Variants in TSGA10 observed in about 807,000 individuals in gnomAD.
TSGA10 encodes testis specific 10.
In TSGA10, 43 loss-of-function variants were observed where a neutral mutation model predicts 96.6. That is an observed-to-expected ratio of 0.44 (90% CI 0.35 to 0.57). The LOEUF (loss-of-function observed/expected upper bound fraction) is 0.57, where lower values mean the gene tolerates loss of function less well. Among genes scored for constraint, TSGA10 ranks in the 20% least tolerant of loss-of-function variants. The pLI, the probability that TSGA10 is intolerant of heterozygous loss-of-function variation, is 0.01. For synonymous variants in TSGA10, 229 were observed against 269.9 expected (o/e 0.85, Z 1.48); for missense variants, 703 against 834.4 (o/e 0.84, Z 1.94).
chr2:99,078,906 CT>C (rs1558944237), intron 11 of TSGA10, 93 bp from the exon 12 acceptor site: 1 of 1,059,804 alleles, frequency 9.4e-7, no homozygotes, highest in Non-Finnish European at 1.3e-6. Context: ...CTTCTCCTTA[CT>C]TCTAATATAT....
chr2:99,116,706 G>T (rs1270193700), intron 4 of TSGA10, among the ~76,000 whole-genome samples: 1 of 151,632 alleles, frequency 6.6e-6, no homozygotes. Flanking sequence ...AAAAAAGATT[G>T]GCAAATTTTC....
chr2:99,098,569 A>C (rs1462061506), intron 10 of TSGA10, among the ~76,000 whole-genome samples: 6 of 150,824 alleles, frequency 4.0e-5, no homozygotes, highest in Admixed American at 4.0e-4. Flanking sequence ...GAAAGGAAAT[A>C]ATAAGAACAA....
At chr2:99,044,534 C>G (rs1022692020) in intron 16 of TSGA10, among the ~76,000 whole-genome samples, 1 of 152,086 alleles carries the variant, frequency 6.6e-6, no homozygotes, top group Non-Finnish European at 1.5e-5. Flanking sequence ...ATTCATAAAA[C>G]AAGTTCTTAA....
At chr2:99,005,378 T>C (rs561617480) in intron 20 of TSGA10, among the ~76,000 whole-genome samples, 12 of 152,328 alleles carry the variant, frequency 7.9e-5, no homozygotes, top group African/African-American at 2.9e-4. Flanking sequence ...GACATGATTG[T>C]ATATCTAGAA....
At chr2:99,095,309 G>A (rs953256626) in intron 10 of TSGA10, among the ~76,000 whole-genome samples, 6 of 151,924 alleles carry the variant, frequency 3.9e-5, no homozygotes, top group Admixed American at 1.3e-4. Flanking sequence ...TATACTGCTC[G>A]GGCTATGGGT....
At chr2:99,010,709 G>A (rs768853287) in intron 20 of TSGA10, among the ~76,000 whole-genome samples, 13 of 152,236 alleles carry the variant, frequency 8.5e-5, no homozygotes, top group Admixed American at 2.0e-4. Context: ...GAAATTGGTA[G>A]TGGTTTTGAC....
intron 20 of TSGA10, among the ~76,000 whole-genome samples, chr2:99,000,283 G>A (rs2077773708): frequency 6.6e-6 from 1 of 151,982 alleles, no homozygotes; most frequent in African/African-American, 2.4e-5. Flanking sequence ...CAAGGCAGGT[G>A]GATCACCTGA....
chr2:99,135,788 C>T (rs1259652265), intron 1 of TSGA10, among the ~76,000 whole-genome samples: 1 of 152,122 alleles, frequency 6.6e-6, no homozygotes, highest in Non-Finnish European at 1.5e-5. Flanking sequence ...GCGGGCGGAT[C>T]ACCTGAGGTC....
intron 10 of TSGA10, among the ~76,000 whole-genome samples, chr2:99,087,253 T>A (rs2088627890): frequency 6.6e-6 from 1 of 151,618 alleles, no homozygotes; most frequent in South Asian, 2.1e-4. Flanking sequence ...ATGCCTGTAA[T>A]CCCGTCACTT....
intron 10 of TSGA10, among the ~76,000 whole-genome samples, chr2:99,093,661 G>GA (rs559486403): frequency 9.0e-4 from 128 of 142,820 alleles, no homozygotes; most frequent in African/African-American, 2.3e-3. Flanking sequence ...TAGCTGCAAA[G>GA]AAAAAAAAAA....
chr2:99,100,378 C>T (rs950743522), intron 10 of TSGA10, among the ~76,000 whole-genome samples: 8 of 152,110 alleles, frequency 5.3e-5, no homozygotes, highest in Non-Finnish European at 1.0e-4. Context: ...TAAACACATA[C>T]ATAGATATTT....
chr2:99,006,992 G>A (rs2078546308), intron 20 of TSGA10, among the ~76,000 whole-genome samples: 1 of 152,146 alleles, frequency 6.6e-6, no homozygotes, highest in Non-Finnish European at 1.5e-5. Flanking sequence ...GTCCTTTGTA[G>A]GGACATGGAT....
At chr2:99,092,810 T>A (rs1421043250) in intron 10 of TSGA10, among the ~76,000 whole-genome samples, 1 of 151,834 alleles carries the variant, frequency 6.6e-6, no homozygotes, top group South Asian at 2.1e-4. Flanking sequence ...AAGGACCAGC[T>A]GAATTCTATC....
At chr2:99,053,106 A>T (rs1422074853) in intron 16 of TSGA10, among the ~76,000 whole-genome samples, 5 of 147,442 alleles carry the variant, frequency 3.4e-5, no homozygotes, top group East Asian at 1.9e-4. Flanking sequence ...GTTAAGATTT[A>T]AAAAAAAAAT....
chr2:99,013,419 AC>A (rs2079178647), intron 20 of TSGA10, among the ~76,000 whole-genome samples: 1 of 151,582 alleles, frequency 6.6e-6, no homozygotes, highest in Non-Finnish European at 1.5e-5. Flanking sequence ...TGCAAGCTCC[AC>A]CCCCTGGGTT....
intron 4 of TSGA10, among the ~76,000 whole-genome samples, chr2:99,112,452 T>C (rs2091898129): frequency 6.6e-6 from 1 of 152,092 alleles, no homozygotes; most frequent in South Asian, 2.1e-4. Context: ...AATAATTATA[T>C]AGTATACTAG....
chr2:99,141,203 G>T, intron 1 of TSGA10: 1 of 1,159,134 alleles, frequency 8.6e-7, no homozygotes, highest in Non-Finnish European at 1.1e-6. Flanking sequence ...TCCATCCTCC[G>T]CCCCTTTCTC....
intron 20 of TSGA10, among the ~76,000 whole-genome samples, chr2:99,009,643 C>T (rs908216480): frequency 7.1e-6 from 1 of 141,234 alleles, no homozygotes; most frequent in Non-Finnish European, 1.5e-5. Flanking sequence ...AATTTTGAAA[C>T]TATTGTAGAT....
intron 1 of TSGA10, chr2:99,141,104 C>T: frequency 1.6e-6 from 2 of 1,284,584 alleles, no homozygotes; most frequent in South Asian, 1.2e-5. Context: ...GGTCCCTCCC[C>T]GGGCTCCTCG....
Sources: gnomAD v4.1 joint callset for allele counts (sites outside exome capture counted in the v4.1 genomes callset) on GRCh38, gnomAD v4.1.1 for gene constraint, MANE v1.5 for transcripts, NCBI Gene and HGNC (gene_info 2026-07-23, HGNC 2026-07-21) for gene names.